Variants in SNU13 observed in about 807,000 individuals in gnomAD.
The protein encoded by SNU13 is small nuclear ribonucleoprotein 13.
SNU13 carries 2 observed loss-of-function variants against 12.4 expected under a neutral mutation model. The ratio of observed to expected loss-of-function variants is 0.16; its 90% confidence interval spans 0.07 to 0.51. The LOEUF is 0.51. Among genes scored for constraint, SNU13 ranks in the 20% least tolerant of loss-of-function variants. The pLI, the probability that SNU13 is intolerant of heterozygous loss-of-function variation, is 0.96. For synonymous variants in SNU13, 68 were observed against 66.5 expected (o/e 1.02, Z -0.11); for missense variants, 66 against 157.8 (o/e 0.42, Z 3.12).
At chr22:41,682,400 A>T in intron 1 of SNU13, 1 of 1,613,764 alleles carries the variant, frequency 6.2e-7, no homozygotes, top group Non-Finnish European at 8.5e-7. Flanking sequence ...CCGCGAGGAT[A>T]CCACGCGTGT....
intron 2 of SNU13, among the ~76,000 whole-genome samples, chr22:41,678,591 T>C (rs114325291): frequency 0.017 from 2,557 of 152,182 alleles, 81 homozygotes; most frequent in African/African-American, 0.057. Context: ...GGAAATAAGG[T>C]TGCTCTGTGT....
chr22:41,689,009 C>T, upstream of SNU13: 2 of 1,316,512 alleles, frequency 1.5e-6, no homozygotes, highest in South Asian at 4.2e-5. Context: ...CGTACTTTGG[C>T]GTTCTTATGA....
intron 2 of SNU13, chr22:41,679,588 T>A (rs1168444561): frequency 6.6e-6 from 1 of 151,276 alleles, no homozygotes; most frequent in Non-Finnish European, 1.5e-5. Flanking sequence ...AAAATAAAAT[T>A]AAAAAAATAA....
intron 1 of SNU13, 49 bp downstream of exon 1, chr22:41,688,745 A>G: frequency 6.3e-7 from 1 of 1,596,698 alleles, no homozygotes; most frequent in Non-Finnish European, 8.6e-7. Flanking sequence ...GAGTGAACGC[A>G]ACCCTGAGTC....
rs142211726 is a variant in SNU13, at chr22:41,674,236, C to T, written c.*697G>A. 6.5e-6 allele frequency: 1 copy of T among 153,056 alleles called. No individual in the cohort carries two copies. Among genetic ancestry groups the T allele is most frequent in the East Asian group, 1.9e-4 (1 of 5,198 alleles). 9.5% of individuals were successfully genotyped at this position (153,056 alleles called of 1,614,324 possible). On this transcript the variant is annotated 3_prime_UTR_variant, in exon 3 of 3. Transcript: ENST00000401959. ...CTTGTCACTCCCGACTCTTTCAAGA[C>T]CCAGGTCAACTGCCCCATGGCTCAC...
chr22:41,681,806 C>T (rs2068265692), intron 1 of SNU13, among the ~76,000 whole-genome samples: 1 of 152,124 alleles, frequency 6.6e-6, no homozygotes, highest in Non-Finnish European at 1.5e-5. Context: ...ACCCAGGAGG[C>T]GGAGGATGCA....
At chr22:41,685,341 A>AATTTT (rs890425622) in intron 1 of SNU13, among the ~76,000 whole-genome samples, 1 of 151,592 alleles carries the variant, frequency 6.6e-6, no homozygotes. Context: ...ACTCCTGGCT[A>AATTTT]ATTTTATTTT....
chr22:41,676,033 A>C (rs773159599), intron 2 of SNU13, among the ~76,000 whole-genome samples: 7 of 152,006 alleles, frequency 4.6e-5, no homozygotes, highest in Non-Finnish European at 8.8e-5. Context: ...CCTGGCCCTG[A>C]CCACTTCTTT....
intron 1 of SNU13, among the ~76,000 whole-genome samples, chr22:41,684,398 C>G (rs1399063137): frequency 6.6e-6 from 1 of 151,738 alleles, no homozygotes; most frequent in African/African-American, 2.4e-5. Context: ...CCTTTTTATC[C>G]CGTTTCTCCC....
chr22:41,681,858 G>A (rs1601573109), intron 1 of SNU13, among the ~76,000 whole-genome samples: 1 of 152,210 alleles, frequency 6.6e-6, no homozygotes, highest in Admixed American at 6.5e-5. Flanking sequence ...GTGGGCGACA[G>A]AGCGAGACTC....
chr22:41,685,514 C>T (rs865791536), intron 1 of SNU13, among the ~76,000 whole-genome samples: 33 of 151,748 alleles, frequency 2.2e-4, no homozygotes, highest in Non-Finnish European at 2.2e-4. Context: ...CCACCATGCC[C>T]GGCTAATTTT....
At chr22:41,678,673 A>G (rs567353425) in intron 2 of SNU13, among the ~76,000 whole-genome samples, 1 of 152,276 alleles carries the variant, frequency 6.6e-6, no homozygotes, top group African/African-American at 2.4e-5. Flanking sequence ...GAGTGCATCA[A>G]GTGAGAAGAG....
intron 2 of SNU13, among the ~76,000 whole-genome samples, chr22:41,676,319 C>T (rs915326501): frequency 2.0e-5 from 3 of 152,054 alleles, no homozygotes; most frequent in Admixed American, 6.6e-5. Flanking sequence ...TGGCTCAGTG[C>T]GAATACTCTG....
chr22:41,685,789 A>C (rs2068305609), intron 1 of SNU13, among the ~76,000 whole-genome samples: 1 of 151,636 alleles, frequency 6.6e-6, no homozygotes, highest in African/African-American at 2.4e-5. Context: ...AACACGGCAA[A>C]ACCCCGTCTC....
chr22:41,680,638 A>C (rs2068255526), intron 1 of SNU13, among the ~76,000 whole-genome samples: 1 of 152,226 alleles, frequency 6.6e-6, no homozygotes, highest in South Asian at 2.1e-4. Flanking sequence ...TATTACAGCA[A>C]ATGGATTACA....
chr22:41,680,233 G>A lies in SNU13; in HGVS notation c.124+11C>T. On this transcript the variant is annotated intron_variant, in intron 2 of 2. Transcript: ENST00000401959. ...TTAACATTCCCCCAGAGCATCCTGTGGCTGCCTTACCCTCATTGGCTCCTT... is the reference window on the plus strand; with the variant it reads ...TTAACATTCCCCCAGAGCATCCTGTAGCTGCCTTACCCTCATTGGCTCCTT... The A allele has an allele frequency of 1.9e-6, 3 of 1,608,004 alleles. No homozygotes were observed. Among genetic ancestry groups the A allele is most frequent in the Non-Finnish European group, 2.6e-6 (3 of 1,175,926 alleles).
chr22:41,682,293 C>T, intron 1 of SNU13: 15 of 1,529,768 alleles, frequency 9.8e-6, no homozygotes, highest in Non-Finnish European at 1.2e-5. Context: ...AGCGGGACCA[C>T]GCTCGCGGCA....
chr22:41,682,453 G>A (rs78092457), intron 1 of SNU13: 5 of 1,605,942 alleles, frequency 3.1e-6, no homozygotes, highest in Non-Finnish European at 4.2e-6. Context: ...GGACACGGAT[G>A]CCCCGCCCCC....
chr22:41,687,166 C>T (rs1359409989), intron 1 of SNU13, among the ~76,000 whole-genome samples: 1 of 139,742 alleles, frequency 7.2e-6, no homozygotes, highest in Non-Finnish European at 1.6e-5. Flanking sequence ...ACTATGTTGG[C>T]CAGGCTGGTC....
Sources: gnomAD v4.1 joint callset for allele counts (sites outside exome capture counted in the v4.1 genomes callset) on GRCh38, gnomAD v4.1.1 for gene constraint, MANE v1.5 for transcripts, NCBI Gene and HGNC (gene_info 2026-07-23, HGNC 2026-07-21) for gene names.